KHDRBS2: variants seen among roughly 807,000 people sequenced by gnomAD.
The protein encoded by KHDRBS2 is KH RNA binding domain containing, signal transduction associated 2.
KHDRBS2 carries 26 observed loss-of-function variants against 44.3 expected under a neutral mutation model. The observed-to-expected ratio is 0.59, with a 90% CI of 0.43 to 0.81. The LOEUF (loss-of-function observed/expected upper bound fraction) is 0.81, where lower values mean the gene tolerates loss of function less well. Among genes scored for constraint, KHDRBS2 ranks in the 40% least tolerant of loss-of-function variants. The pLI, the probability that KHDRBS2 is intolerant of heterozygous loss-of-function variation, is 0.00. For synonymous variants in KHDRBS2, 194 were observed against 151.1 expected (o/e 1.28, Z -2.08); for missense variants, 476 against 433.1 (o/e 1.10, Z -0.88).
the KHDRBS2 span, among the ~76,000 whole-genome samples, chr6:61,545,092 T>A: frequency 7.2e-5 from 11 of 152,084 alleles, no homozygotes; most frequent in African/African-American, 9.6e-5. Flanking sequence ...AAAAAAATTT[T>A]AAAAAAATTT....
At chr6:61,623,394 C>T in the KHDRBS2 span, among the ~76,000 whole-genome samples, 1 of 152,092 alleles carries the variant, frequency 6.6e-6, no homozygotes. Context: ...AACATTATAA[C>T]ACAGGTCTCT....
intron 7 of KHDRBS2, among the ~76,000 whole-genome samples, chr6:61,729,626 T>C (rs574177051): frequency 6.6e-6 from 1 of 152,142 alleles, no homozygotes; most frequent in African/African-American, 2.4e-5. Context: ...CTGTTTAATA[T>C]TAGCCATTCC....
chr6:61,696,445 G>T (rs1243645628), intron 8 of KHDRBS2, among the ~76,000 whole-genome samples: 1 of 151,706 alleles, frequency 6.6e-6, no homozygotes, highest in Admixed American at 6.6e-5. Flanking sequence ...TTTTGGTAGA[G>T]ACGGGGTTTC....
chr6:61,671,362 G>GT, the KHDRBS2 span, among the ~76,000 whole-genome samples: 3 of 151,554 alleles, frequency 2.0e-5, no homozygotes, highest in Non-Finnish European at 4.4e-5. Flanking sequence ...GGTTCATTCT[G>GT]TATTTTTTTG....
intron 1 of KHDRBS2, among the ~76,000 whole-genome samples, chr6:62,228,250 G>C (rs867538830): frequency 6.6e-6 from 1 of 152,066 alleles, no homozygotes; most frequent in Non-Finnish European, 1.5e-5. Flanking sequence ...ATTTAGTCTT[G>C]GGAGGGTATA....
the KHDRBS2 span, among the ~76,000 whole-genome samples, chr6:61,668,238 G>A: frequency 6.6e-6 from 1 of 150,768 alleles, no homozygotes; most frequent in Non-Finnish European, 1.5e-5. Context: ...TATACCTTTG[G>A]CATGCATAGA....
At chr6:62,158,470 A>T (rs1232728951) in intron 2 of KHDRBS2, among the ~76,000 whole-genome samples, 1 of 152,152 alleles carries the variant, frequency 6.6e-6, no homozygotes, top group African/African-American at 2.4e-5. Context: ...TAGTGCAGCT[A>T]TGGTTGAAAC....
intron 2 of KHDRBS2, among the ~76,000 whole-genome samples, chr6:62,122,369 A>C (rs1807865900): frequency 6.6e-6 from 1 of 152,182 alleles, no homozygotes. Flanking sequence ...ACTATGGGTC[A>C]TCAAGTCACC....
At chr6:62,165,314 T>C (rs1818454962) in intron 2 of KHDRBS2, among the ~76,000 whole-genome samples, 1 of 150,598 alleles carries the variant, frequency 6.6e-6, no homozygotes, top group South Asian at 2.1e-4. Context: ...GAATTTTTTT[T>C]GGTGTATGAG....
chr6:62,082,729 T>C (rs1305384867), intron 2 of KHDRBS2, among the ~76,000 whole-genome samples: 1 of 152,048 alleles, frequency 6.6e-6, no homozygotes, highest in African/African-American at 2.4e-5. Context: ...AGGAAACAGG[T>C]ATAAAATAGA....
intron 2 of KHDRBS2, among the ~76,000 whole-genome samples, chr6:62,159,322 C>A (rs1299004501): frequency 4.6e-5 from 7 of 152,080 alleles, no homozygotes; most frequent in African/African-American, 1.7e-4. Flanking sequence ...TTGCTTTATT[C>A]TTATACTTTA....
In KHDRBS2 at chr6:61,791,313, C is replaced by CA. The variant is rs1392976172; in HGVS notation, c.811-58550dup. Among the ~76,000 whole-genome samples, 11 of 150,956 alleles carry CA rather than the reference C, an allele frequency of 7.3e-5. No homozygotes were observed. The East Asian group carries it at 2.1e-3, about 29-fold the overall frequency. On this transcript the variant is annotated intron_variant, in intron 6 of 8. Coordinates refer to ENST00000281156, the MANE Select transcript of KHDRBS2 (RefSeq NM_152688.4). Reference sequence around the variant, plus strand: ...GATTTTCTTTTCTTCATCTTTCTTTCAAAAAAATATTTGCTTGGCTCCTTA... The same window carrying CA: ...GATTTTCTTTTCTTCATCTTTCTTTCAAAAAAAATATTTGCTTGGCTCCTTA...
the KHDRBS2 span, among the ~76,000 whole-genome samples, chr6:61,674,377 T>C: frequency 6.6e-6 from 1 of 151,824 alleles, no homozygotes; most frequent in East Asian, 1.9e-4. Context: ...CTCCACAGTA[T>C]TTTGGAAAAT....
the KHDRBS2 span, among the ~76,000 whole-genome samples, chr6:61,645,477 T>A: frequency 6.8e-6 from 1 of 147,968 alleles, no homozygotes; most frequent in South Asian, 2.1e-4. Flanking sequence ...AAAAAAAATT[T>A]AAAAACAAAA....
the KHDRBS2 span, among the ~76,000 whole-genome samples, chr6:61,595,521 C>A: frequency 6.6e-6 from 1 of 152,034 alleles, no homozygotes; most frequent in Non-Finnish European, 1.5e-5. Flanking sequence ...CTTTCCTCAA[C>A]AAAAGCATAT....
rs1171214560 is a variant in KHDRBS2, at chr6:62,034,693, G to GAAAA, written c.336+13181_336+13184dup. Among the ~76,000 whole-genome samples the GAAAA allele has an allele frequency of 1.4e-3, 86 of 60,742 alleles. 1 individual carries two copies. Among genetic ancestry groups the GAAAA allele is most frequent in the East Asian group, 6.0e-3 (11 of 1,840 alleles). The allele number at this position is 60,742 out of a possible 152,430, so 39.8% of individuals were successfully genotyped here. ...CCCATGGCTAGTATCATTCTGAACA[G>GAAAA]AAAAAAAAAAAAAAAAAAAAAAACC... On this transcript the variant is annotated intron_variant, in intron 3 of 8. Transcript: ENST00000281156.
intron 2 of KHDRBS2, among the ~76,000 whole-genome samples, chr6:62,051,682 C>A (rs183738513): frequency 1.3e-5 from 2 of 151,900 alleles, no homozygotes; most frequent in African/African-American, 4.8e-5. Flanking sequence ...AGGAAACAAT[C>A]GCCAAACTGG....
At chr6:62,008,332 TTTATG>T (rs1366683371) in intron 3 of KHDRBS2, among the ~76,000 whole-genome samples, 2 of 152,258 alleles carry the variant, frequency 1.3e-5, no homozygotes, top group Non-Finnish European at 2.9e-5. Context: ...CAGTCAGTAA[TTTATG>T]TTATATGTTT....
chr6:62,036,710 C>A (rs1785353935), intron 3 of KHDRBS2, among the ~76,000 whole-genome samples: 1 of 151,876 alleles, frequency 6.6e-6, no homozygotes, highest in African/African-American at 2.4e-5. Flanking sequence ...ATAAAATGAC[C>A]TTCATGTTTA....
Sources: allele counts gnomAD v4.1 joint callset (sites outside exome capture counted in the v4.1 genomes callset), GRCh38; gene constraint gnomAD v4.1.1; transcripts MANE v1.5; gene names NCBI Gene and HGNC (gene_info 2026-07-23, HGNC 2026-07-21).